Variants in AGAP2 observed in about 807,000 individuals in gnomAD.
AGAP2 encodes the protein arf-GAP with GTPase, ANK repeat and PH domain-containing protein 2.
A neutral mutation model predicts 110.9 loss-of-function variants in AGAP2; 32 were observed. That is an observed-to-expected ratio of 0.29 (90% confidence interval 0.22 to 0.39). The LOEUF is 0.39. AGAP2 is among the 10% of genes least tolerant of loss of function. AGAP2 has a pLI of 1.00. For synonymous variants in AGAP2, 702 were observed against 713.0 expected (o/e 0.98, Z 0.25); for missense variants, 1,285 against 1,638.5 (o/e 0.78, Z 3.72).
rs769686846 is a variant in AGAP2, at chr12:57,729,773, G to A, written c.2429-6C>T. 4 of 1,600,334 alleles carry A rather than the reference G, an allele frequency of 2.5e-6. No homozygotes were observed. Among genetic ancestry groups the A allele is most frequent in the Non-Finnish European group, 3.4e-6 (4 of 1,174,734 alleles). ...GTCTCCAGATGGGGTACAGTCTTAG[G>A]GAGGAAGACACAGCTGCCTCAGTAG... On this transcript the variant is annotated splice_polypyrimidine_tract_variant and splice_region_variant and intron_variant, in intron 12 of 18. Coordinates refer to ENST00000547588, the MANE Select transcript of AGAP2 (RefSeq NM_001122772.3).
At position 57,727,684 on chromosome 12, in the gene AGAP2, G is replaced by A. The variant is rs773370544; in HGVS notation, c.2854C>T (p.Pro952Ser). The A allele has an allele frequency of 6.2e-7, 1 of 1,606,048 alleles. No homozygotes were observed. Among genetic ancestry groups the A allele is most frequent in the Non-Finnish European group, 8.5e-7 (1 of 1,176,524 alleles). ...GNSICVDCGA[P>S]NPTWASLNLG... The stretch of plus-strand genomic sequence containing the variant: ...TCCGCTGCCTCCTGGCACTCACTGG[G>A]GGCCCCGCAGTCCACGCAGATTGAA... The change falls in exon 16 of 19, where the codon CCC becomes TCC. Residue 952 changes from proline to serine, a missense_variant. Physicochemically the swap from Pro to Ser is moderately conservative, Grantham distance 74. This residue lies in a region of AGAP2 where 39 missense variants were observed against 45.8 expected (regional missense o/e 0.85). Transcript: ENST00000547588.
At position 57,737,546 on chromosome 12, in the gene AGAP2, A is replaced by T. The variant is rs550548128; in HGVS notation, c.701T>A (p.Val234Asp). The T allele has an allele frequency of 1.3e-6, 2 of 1,554,850 alleles. No individual in the cohort carries two copies. The highest frequency in any genetic ancestry group is 1.9e-5 in the Admixed American group (1 of 51,320). Reference protein sequence around the residue: ...SKSSAGTGASVSAAATAAAAG... With the variant: ...SKSSAGTGASDSAAATAAAAG... ...GGCGGCGGCGGTGGCGGCGGCAGAGACCGAAGCTCCAGTCCCGGCGCTGCT... is the reference window on the plus strand; with the variant it reads ...GGCGGCGGCGGTGGCGGCGGCAGAGTCCGAAGCTCCAGTCCCGGCGCTGCT... Residue 234 changes from valine to aspartate, a missense_variant, in exon 1 of 19, where the codon GTC becomes GAC. Val to Asp is a radical substitution (Grantham distance 152). Around this residue, in one of 7 missense-constraint regions of AGAP2, gnomAD observed 844 missense variants for 941.2 expected, o/e 0.90. Transcript: ENST00000547588. This position sits in a 1 kb window ranked among gnomAD's most constrained non-coding sequence, Gnocchi z 5.9.
chr12:57,729,054 T>G (rs1159719385), intron 13 of AGAP2, among the ~76,000 whole-genome samples: 11 of 151,480 alleles, frequency 7.3e-5, no homozygotes, highest in Admixed American at 6.6e-4. Context: ...CAAGTGCCTG[T>G]AGTCCCAGCT....
intron 1 of AGAP2, among the ~76,000 whole-genome samples, 194 bp from the exon 2 acceptor site, chr12:57,735,621 T>G (rs1000899716): frequency 9.8e-5 from 15 of 152,314 alleles, no homozygotes; most frequent in African/African-American, 3.6e-4. Flanking sequence ...CAGCTGTTGC[T>G]GCCGCTCAGT....
Position 57,729,857 on chromosome 12 carries a change from G to A in AGAP2, c.2429-90C>T, listed in dbSNP as rs1954851374. ...CTGTCTCATTCCCTGAACTAGCTTT[G>A]GCATTTTAGGGCTCCCCTCCTCAAC... On this transcript the variant is annotated intron_variant, in intron 12 of 18. Transcript: ENST00000547588. 4 of 1,502,026 alleles carry A rather than the reference G, an allele frequency of 2.7e-6. No individual in the cohort carries two copies. In the Admixed American group the frequency reaches 6.6e-5, roughly 25 times the overall value. 93.0% of individuals were successfully genotyped at this position (1,502,026 alleles called of 1,614,324 possible).
At chr12:57,729,455 A>G (rs574831225) in intron 13 of AGAP2, among the ~76,000 whole-genome samples, 184 bp downstream of exon 13, 2 of 151,860 alleles carry the variant, frequency 1.3e-5, no homozygotes, top group South Asian at 4.2e-4. Flanking sequence ...TAGCTGGGGA[A>G]CAAGGAAAGA....
At position 57,738,007 on chromosome 12, in the gene AGAP2, C is replaced by T. The variant is rs886167380; in HGVS notation, c.240G>A (p.Thr80=). The change falls in exon 1 of 19, where the codon ACG becomes ACA. Residue 80 remains threonine, a synonymous_variant. Transcript: ENST00000547588. The surrounding 1 kb of genome is among the most constrained non-coding windows in gnomAD (Gnocchi z 6.7). ...CCGCGCCCCCGGTGCCCGCGCTGCT[C>T]GTGCTGATCCACAGCGCATCCTGCC... is the stretch of plus-strand genomic sequence containing the variant. ...FHRQDALWIS[T]SSAGTGGAEP... is the part of the protein sequence containing the mutation. The T allele has an allele frequency of 6.7e-7, 1 of 1,499,342 alleles. No homozygotes were observed. The highest frequency in any genetic ancestry group is 8.8e-7 in the Non-Finnish European group (1 of 1,130,306). The allele number at this position is 1,499,342 out of a possible 1,614,324, so 92.9% of individuals were successfully genotyped here. A position where few individuals can be genotyped will look rare whatever the true frequency, so the allele number is the denominator to read the frequency against.
intron 10 of AGAP2, 27 bp downstream of exon 10, chr12:57,731,339 C>A: frequency 6.3e-7 from 1 of 1,577,654 alleles, no homozygotes; most frequent in South Asian, 1.1e-5. Flanking sequence ...CAAAGCTGGC[C>A]AATGTGGCCC....
rs1156483527 is a variant in AGAP2, at chr12:57,737,396, C to T, written c.851G>A (p.Gly284Glu). The change falls in exon 1 of 19, where the codon GGA (glycine) becomes GAA (glutamate). Residue 284 changes from glycine (G) to glutamate (E), a missense_variant. Gly to Glu is a moderately conservative substitution (Grantham distance 98, BLOSUM62 -2). This residue lies in a region of AGAP2 where 844 missense variants were observed against 941.2 expected (regional missense o/e 0.90). Transcript: ENST00000547588. This position sits in a 1 kb window ranked among gnomAD's most constrained non-coding sequence, Gnocchi z 5.9. ...KTLDNSDLHP[G>E]PPAGSPPPLT... Reference sequence around the variant, plus strand: ...CGGAGGAGGAGAGCCGGCAGGCGGTCCCGGATGCAAGTCACTGTTGTCCAA... The same window carrying T: ...CGGAGGAGGAGAGCCGGCAGGCGGTTCCGGATGCAAGTCACTGTTGTCCAA... The T allele has an allele frequency of 6.2e-7, 1 of 1,613,818 alleles. No individual in the cohort carries two copies.
At chr12:57,728,897 T>C (rs1191448806) in intron 13 of AGAP2, among the ~76,000 whole-genome samples, 1 of 152,056 alleles carries the variant, frequency 6.6e-6, no homozygotes, top group Non-Finnish European at 1.5e-5. Context: ...CGGTGACTCA[T>C]GCCTGTAATC....
intron 12 of AGAP2, 74 bp downstream of exon 12, chr12:57,730,421 C>A: frequency 6.3e-7 from 1 of 1,583,640 alleles, no homozygotes; most frequent in South Asian, 1.1e-5. Context: ...TCCAAGCCTT[C>A]ACCCCATATT....
intron 5 of AGAP2, 51 bp from the exon 6 acceptor site, chr12:57,733,030 G>T (rs776718336): frequency 2.5e-6 from 4 of 1,608,204 alleles, no homozygotes; most frequent in East Asian, 2.2e-5. Flanking sequence ...CACCTTGTTC[G>T]ATTTTTCACA....
At chr12:57,736,925 T>G (rs528158624) in intron 1 of AGAP2, among the ~76,000 whole-genome samples, 154 bp downstream of exon 1, 1 of 152,316 alleles carries the variant, frequency 6.6e-6, no homozygotes, top group East Asian at 1.9e-4. Flanking sequence ...AGGACTCCTA[T>G]TCTTTGCCCC....
chr12:57,727,057 T>C lies in AGAP2; in HGVS notation c.3253A>G (p.Ser1085Gly). The change falls in exon 18 of 19, where the codon AGC becomes GGC. Residue 1085 changes from serine to glycine, a missense_variant. Transcript: ENST00000547588. The stretch of plus-strand genomic sequence containing the variant: ...GAGCGCAGCTGTGGGTCCTCTACGC[T>C]GGTGTCGAGCGGCCCGTGTCGCGCA... Reference protein sequence around the residue: ...AHARHGPLDTSVEDPQLRSPL... With the variant: ...AHARHGPLDTGVEDPQLRSPL... 6.2e-7 allele frequency: 1 copy of C among 1,603,688 alleles called. No homozygotes were observed. Among genetic ancestry groups the C allele is most frequent in the East Asian group, 2.2e-5 (1 of 44,448 alleles).
chr12:57,733,212 T>A (rs1421537016), intron 5 of AGAP2, among the ~76,000 whole-genome samples: 1 of 151,934 alleles, frequency 6.6e-6, no homozygotes, highest in Non-Finnish European at 1.5e-5. Flanking sequence ...TGTGTGTGTG[T>A]GTCCTCAAGG....
At position 57,734,614 on chromosome 12, in the gene AGAP2, G is replaced by A; in HGVS notation, c.1293C>T (p.Tyr431=). ...SLIHRFLTGS[Y]QVLEKTESEQ... ...CACTCTCTGTCTTCTCCAGCACCTG[G>A]TATGAGCCAGTCAGGAATCGGTGGA... The change falls in exon 3 of 19, where the codon TAC becomes TAT. Residue 431 remains tyrosine, a synonymous_variant. Transcript: ENST00000547588. 1 of 1,614,168 alleles carries A rather than the reference G, an allele frequency of 6.2e-7. No homozygotes were observed. Among genetic ancestry groups the A allele is most frequent in the Non-Finnish European group, 8.5e-7 (1 of 1,180,040 alleles).
chr12:57,732,852 G>A lies in AGAP2; in HGVS notation c.1677C>T (p.Phe559=). 4.3e-6 allele frequency: 7 copies of A among 1,613,882 alleles called. No individual in the cohort carries two copies. The highest frequency in any genetic ancestry group is 5.9e-6 in the Non-Finnish European group (7 of 1,180,014). ...ATYGLNVDRV[F]QEVAQKVVTL... ...GGAGATCACTACACTCACCCTCCTG[G>A]AAGACCCGATCCACATTGAGCCCAT... Residue 559 remains phenylalanine (F), a synonymous_variant, in exon 6 of 19, where the codon TTC becomes TTT. Transcript: ENST00000547588.
In AGAP2 at chr12:57,731,598, C is replaced by T. The variant is rs1239019582; in HGVS notation, c.1998G>A (p.Arg666=). 3 of 1,614,150 alleles carry T rather than the reference C, an allele frequency of 1.9e-6. No individual in the cohort carries two copies. The highest frequency in any genetic ancestry group is 2.5e-6 in the Non-Finnish European group (3 of 1,180,032). The change falls in exon 9 of 19, where the codon CGG becomes CGA. Residue 666 remains arginine (R), a synonymous_variant. Coordinates refer to ENST00000547588, the MANE Select transcript of AGAP2 (RefSeq NM_001122772.3). ...CTCGCCCACTCCCTGTTGTCTCTCC[C>T]CGACTATCCAAGCTTCGTTTCTCGG... is the stretch of plus-strand genomic sequence containing the variant. ...SDSEKRSLDS[R]GETTGSGRAI...
intron 17 of AGAP2, 40 bp downstream of exon 17, chr12:57,727,320 C>A (rs750762841): frequency 2.2e-5 from 36 of 1,604,706 alleles, no homozygotes; most frequent in Admixed American, 3.4e-5. Context: ...GTTCGCACAC[C>A]CTCAGCAACC....
Sources: allele counts gnomAD v4.1 joint callset (sites outside exome capture counted in the v4.1 genomes callset), GRCh38; gene constraint gnomAD v4.1.1; regional missense constraint gnomAD v4.1.1; non-coding constraint Gnocchi (gnomAD v3.1); transcripts MANE v1.5; gene names NCBI Gene and HGNC (gene_info 2026-07-23, HGNC 2026-07-21).